Variants in LRFN2 observed in about 807,000 individuals in gnomAD.
LRFN2 encodes the protein leucine rich repeat and fibronectin type III domain containing 2.
LRFN2 carries 18 observed loss-of-function variants against 37.3 expected under a neutral mutation model. The observed-to-expected ratio is 0.48, with a 90% CI of 0.33 to 0.72. The LOEUF (loss-of-function observed/expected upper bound fraction) is 0.72, where lower values mean the gene tolerates loss of function less well. Ranked by LOEUF, LRFN2 falls within the 30% of genes least tolerant of loss-of-function variation. The pLI, the probability that LRFN2 is intolerant of heterozygous loss-of-function variation, is 0.02. For missense variants in LRFN2, 1,006 were observed against 1,060.7 expected (o/e 0.95, Z 0.72); for synonymous variants, 556 against 466.6 (o/e 1.19, Z -2.47).
intron 1 of LRFN2, among the ~76,000 whole-genome samples, chr6:40,562,831 T>TCACACA (rs71543995): frequency 0.15 from 22,207 of 143,390 alleles, 1,782 homozygotes; most frequent in African/African-American, 0.19. Flanking sequence ...GTGCGTGCAC[T>TCACACA]CACTCACACA....
At chr6:40,484,873 C>G (rs967255910) in intron 1 of LRFN2, among the ~76,000 whole-genome samples, 4 of 152,240 alleles carry the variant, frequency 2.6e-5, no homozygotes, top group Non-Finnish European at 5.9e-5. Flanking sequence ...GCCATCCATA[C>G]TTGCTCCTCA....
intron 1 of LRFN2, among the ~76,000 whole-genome samples, chr6:40,457,516 T>C (rs899461519): frequency 1.3e-5 from 2 of 151,656 alleles, no homozygotes; most frequent in African/African-American, 4.9e-5. Context: ...CTCACACCTG[T>C]AATCCCAGCA....
chr6:40,440,475 A>G (rs1763807600), intron 1 of LRFN2, among the ~76,000 whole-genome samples: 1 of 151,830 alleles, frequency 6.6e-6, no homozygotes, highest in Admixed American at 6.5e-5. Context: ...GTTTGAGGAG[A>G]GAATGAACGA....
At chr6:40,568,043 C>G (rs145455344) in intron 1 of LRFN2, among the ~76,000 whole-genome samples, 1 of 152,208 alleles carries the variant, frequency 6.6e-6, no homozygotes, top group African/African-American at 2.4e-5. Context: ...TCTTCCCAGA[C>G]GGTCTACAGT....
Position 40,432,297 on chromosome 6 carries a change from C to T in LRFN2, c.817G>A (p.Gly273Ser), listed in dbSNP as rs751712604. 4.3e-6 allele frequency: 7 copies of T among 1,614,008 alleles called. No individual in the cohort carries two copies. In the South Asian group the frequency reaches 5.5e-5, roughly 13 times the overall value. Residue 273 changes from glycine (G) to serine (S), a missense_variant, in exon 2 of 3, where the codon GGT (glycine) becomes AGT (serine). This residue lies in a region of LRFN2 where 303 missense variants were observed against 299.8 expected (regional missense o/e 1.01). Coordinates refer to ENST00000338305, the MANE Select transcript of LRFN2 (RefSeq NM_020737.3). ...ETCGSPGGLK[G>S]RYFWHVREEE... ...TCACGCACATGCCAGAAGTAGCGAC[C>T]CTTGAGGCCCCCTGGGGAGCCACAG...
Position 40,454,630 on chromosome 6 carries a change from C to T in LRFN2, c.-18-21499G>A, listed in dbSNP as rs1299788307. Among the ~76,000 whole-genome samples the T allele has an allele frequency of 2.6e-5, 4 of 152,170 alleles. No homozygotes were observed. The East Asian group carries it at 7.7e-4, about 29-fold the overall frequency. ...TACCTAGGCCCTCCCCTACCTGGGG[C>T]CCCTTCCTTGTTCTTCTTTACTTAT... On this transcript the variant is annotated intron_variant, in intron 1 of 2. Transcript: ENST00000338305.
chr6:40,416,477 C>T (rs913724604), intron 2 of LRFN2, among the ~76,000 whole-genome samples: 11 of 152,324 alleles, frequency 7.2e-5, no homozygotes, highest in African/African-American at 2.2e-4. Flanking sequence ...GAAAGGAGAG[C>T]GTTGGCCTGG....
chr6:40,427,833 A>G (rs932729478), intron 2 of LRFN2, among the ~76,000 whole-genome samples: 4 of 152,082 alleles, frequency 2.6e-5, no homozygotes, highest in African/African-American at 9.7e-5. Context: ...AACCTCATCT[A>G]CTTGCTCCTT....
intron 2 of LRFN2, among the ~76,000 whole-genome samples, chr6:40,405,354 G>T (rs1186823330): frequency 6.6e-6 from 1 of 152,118 alleles, no homozygotes; most frequent in Admixed American, 6.5e-5. Flanking sequence ...CTTATCTTGG[G>T]CAAGTTTCTT....
At chr6:40,511,814 T>A (rs962496447) in intron 1 of LRFN2, among the ~76,000 whole-genome samples, 1 of 152,184 alleles carries the variant, frequency 6.6e-6, no homozygotes, top group Non-Finnish European at 1.5e-5. Flanking sequence ...AAAGTTCTAA[T>A]ATGATGATTC....
intron 1 of LRFN2, among the ~76,000 whole-genome samples, chr6:40,559,572 G>A (rs1033126864): frequency 2.0e-5 from 3 of 152,062 alleles, no homozygotes; most frequent in Non-Finnish European, 4.4e-5. Flanking sequence ...GGGACCGAGG[G>A]GGCTACCTGG....
chr6:40,581,495 G>A (rs905053176), intron 1 of LRFN2, among the ~76,000 whole-genome samples: 6 of 152,124 alleles, frequency 3.9e-5, no homozygotes, highest in Admixed American at 3.9e-4. Flanking sequence ...TGCTATAGGA[G>A]GACCTCTAAC....
intron 1 of LRFN2, among the ~76,000 whole-genome samples, chr6:40,578,394 T>A (rs746855339): frequency 2.7e-4 from 41 of 152,220 alleles, no homozygotes; most frequent in Non-Finnish European, 4.9e-4. Context: ...GAATGCAGTG[T>A]GGCTGTAAGG....
At chr6:40,407,230 A>G (rs1762865452) in intron 2 of LRFN2, among the ~76,000 whole-genome samples, 1 of 152,122 alleles carries the variant, frequency 6.6e-6, no homozygotes. Flanking sequence ...CCACAGATAT[A>G]GAAGTCTTCT....
At chr6:40,460,441 G>A (rs1363219841) in intron 1 of LRFN2, among the ~76,000 whole-genome samples, 1 of 152,146 alleles carries the variant, frequency 6.6e-6, no homozygotes, top group Non-Finnish European at 1.5e-5. Context: ...ATGAGCATAG[G>A]AGGGGCAAAT....
In LRFN2 at chr6:40,469,351, C is replaced by A. The variant is rs189146771; in HGVS notation, c.-18-36220G>T. ...TGTTGGCTTAAGCCATCCAGCCATCCGGTTTGTGGTCATTTGTTGCAGATG... is the reference window on the plus strand; with the variant it reads ...TGTTGGCTTAAGCCATCCAGCCATCAGGTTTGTGGTCATTTGTTGCAGATG... On this transcript the variant is annotated intron_variant, in intron 1 of 2. Transcript: ENST00000338305. 2.0e-5 allele frequency among the ~76,000 whole-genome samples: 3 copies of A among 151,896 alleles called. No individual in the cohort carries two copies. The East Asian group carries it at 5.8e-4, about 29-fold the overall frequency.
intron 1 of LRFN2, among the ~76,000 whole-genome samples, chr6:40,514,926 G>A (rs9471361): frequency 0.53 from 80,722 of 151,876 alleles, 21,874 homozygotes; most frequent in South Asian, 0.66. Context: ...CTGGCTGGAG[G>A]CCCCATTTTT....
intron 1 of LRFN2, among the ~76,000 whole-genome samples, chr6:40,527,607 T>G (rs531064147): frequency 3.8e-4 from 58 of 152,290 alleles, no homozygotes; most frequent in African/African-American, 1.3e-3. Context: ...AGATTTTAAA[T>G]CATTGAGAAA....
chr6:40,431,849 G>A lies in LRFN2; in HGVS notation c.1265C>T (p.Pro422Leu), dbSNP rs201054196. 4.4e-5 allele frequency: 70 copies of A among 1,585,508 alleles called. No homozygotes were observed. Among genetic ancestry groups the A allele is most frequent in the Middle Eastern group, 3.4e-4 (2 of 5,896 alleles). Residue 422 changes from proline to leucine, a missense_variant, in exon 2 of 3, where the codon CCG becomes CTG. By Grantham distance (98) the Pro-to-Leu change is moderately conservative. This residue lies in a region of LRFN2 where 303 missense variants were observed against 299.8 expected (regional missense o/e 1.01). Transcript: ENST00000338305. ...SGGGEPPKSP[P>L]ERAVLVSEVT... Reference sequence around the variant, plus strand: ...TTCAGACACAAGCACAGCCCGTTCCGGGGGGCTTTTGGGAGGCTCTCCGCC... The same window carrying A: ...TTCAGACACAAGCACAGCCCGTTCCAGGGGGCTTTTGGGAGGCTCTCCGCC...
Sources: gnomAD v4.1 joint callset for allele counts (sites outside exome capture counted in the v4.1 genomes callset) on GRCh38, gnomAD v4.1.1 for gene constraint, gnomAD v4.1.1 regional missense constraint, MANE v1.5 for transcripts, NCBI Gene and HGNC (gene_info 2026-07-23, HGNC 2026-07-21) for gene names.